PTPRD: variants seen among roughly 807,000 people sequenced by gnomAD.
The protein encoded by PTPRD is protein tyrosine phosphatase receptor type D, also known as receptor-type tyrosine-protein phosphatase delta.
Under a neutral mutation model 214.5 loss-of-function variants are expected in PTPRD, and 34 were observed. The observed-to-expected ratio is 0.16, with a 90% CI of 0.12 to 0.21. The LOEUF is 0.21. Among genes scored for constraint, PTPRD ranks in the 10% least tolerant of loss-of-function variants. The pLI is 1.00. For synonymous variants in PTPRD, 1,128 were observed against 845.7 expected (o/e 1.33, Z -5.79); for missense variants, 2,545 against 2,398.7 (o/e 1.06, Z -1.27).
intron 11 of PTPRD, among the ~76,000 whole-genome samples, chr9:8,836,904 C>T (rs2097437992): frequency 6.6e-6 from 1 of 151,998 alleles, no homozygotes; most frequent in Admixed American, 6.6e-5. Flanking sequence ...TTAGAACTAG[C>T]TCTCTTCTAA....
At chr9:8,648,038 C>A (rs1444277767) in intron 12 of PTPRD, among the ~76,000 whole-genome samples, 4 of 152,200 alleles carry the variant, frequency 2.6e-5, no homozygotes, top group African/African-American at 9.7e-5. Context: ...GAACAGCATG[C>A]AATCCCAGCT....
At chr9:8,980,732 A>G (rs2099308334) in intron 11 of PTPRD, among the ~76,000 whole-genome samples, 1 of 152,098 alleles carries the variant, frequency 6.6e-6, no homozygotes, top group Non-Finnish European at 1.5e-5. Flanking sequence ...CCAAATCCCT[A>G]CCTTGAATGA....
rs142423227 is a variant in PTPRD, at chr9:9,000,043, A to G, written c.-104+18654T>C. On this transcript the variant is annotated intron_variant, in intron 11 of 45. Transcript: ENST00000381196. ...GGTGGCAAATTTACACTCTGTCCAA[A>G]TGCTGCTTTTATGGGTAACTGGAGG... Among the ~76,000 whole-genome samples, 752 of 152,102 alleles carry G rather than the reference A, an allele frequency of 4.9e-3. 3 individuals are homozygous for G. The highest frequency in any genetic ancestry group is 0.017 in the African/African-American group (700 of 41,522).
chr9:10,457,298 T>C (rs1267018912), intron 2 of PTPRD, among the ~76,000 whole-genome samples: 1 of 151,968 alleles, frequency 6.6e-6, no homozygotes, highest in African/African-American at 2.4e-5. Flanking sequence ...AAGTTTCCTT[T>C]TGCCTCTTTT....
At chr9:10,435,191 C>T (rs556633366) in intron 2 of PTPRD, among the ~76,000 whole-genome samples, 27 of 152,008 alleles carry the variant, frequency 1.8e-4, no homozygotes, top group Admixed American at 1.1e-3. Flanking sequence ...TCTGTGGAAA[C>T]TGAACAAGAA....
intron 32 of PTPRD, among the ~76,000 whole-genome samples, chr9:8,462,570 T>C (rs1374866326): frequency 1.3e-5 from 2 of 151,980 alleles, no homozygotes; most frequent in Non-Finnish European, 2.9e-5. Context: ...TCCATCACAG[T>C]GGGCTTCTTG....
At chr9:8,612,068 T>G (rs888251908) in intron 14 of PTPRD, among the ~76,000 whole-genome samples, 2 of 151,868 alleles carry the variant, frequency 1.3e-5, no homozygotes, top group African/African-American at 2.4e-5. Context: ...CAATGTTAAC[T>G]ACTCCTTTTT....
intron 5 of PTPRD, among the ~76,000 whole-genome samples, chr9:9,807,105 C>G (rs1408127): frequency 6.6e-6 from 1 of 151,942 alleles, no homozygotes; most frequent in Non-Finnish European, 1.5e-5. Context: ...GCTCTAAAAT[C>G]TTTTAATAAA....
At chr9:8,761,974 A>C (rs1372162854) in intron 11 of PTPRD, among the ~76,000 whole-genome samples, 3 of 152,200 alleles carry the variant, frequency 2.0e-5, no homozygotes, top group African/African-American at 7.2e-5. Flanking sequence ...ACAGAGGGTC[A>C]AATAAACTCA....
intron 9 of PTPRD, among the ~76,000 whole-genome samples, chr9:9,224,175 T>A (rs1198442785): frequency 6.6e-6 from 1 of 151,912 alleles, no homozygotes. Context: ...AGTCAGTGAC[T>A]CCCTCAGATC....
At chr9:8,569,516 A>T (rs1028081289) in intron 14 of PTPRD, among the ~76,000 whole-genome samples, 1 of 152,134 alleles carries the variant, frequency 6.6e-6, no homozygotes, top group Non-Finnish European at 1.5e-5. Context: ...TGGGCCTTCC[A>T]ATTATCACAC....
At chr9:10,060,270 T>A (rs1258753828) in intron 3 of PTPRD, among the ~76,000 whole-genome samples, 3 of 151,998 alleles carry the variant, frequency 2.0e-5, no homozygotes, top group Non-Finnish European at 4.4e-5. Context: ...AAAGAATATT[T>A]TTAAAAAATA....
At chr9:9,582,707 C>T (rs1243772066) in intron 7 of PTPRD, among the ~76,000 whole-genome samples, 3 of 151,910 alleles carry the variant, frequency 2.0e-5, no homozygotes, top group Non-Finnish European at 2.9e-5. Flanking sequence ...AATTTAAATG[C>T]ATTTTATATT....
chr9:9,063,110 T>C (rs1454738562), intron 10 of PTPRD, among the ~76,000 whole-genome samples: 3 of 152,124 alleles, frequency 2.0e-5, no homozygotes, highest in African/African-American at 7.2e-5. Flanking sequence ...GAATGAACAT[T>C]GAGCTGGGAG....
chr9:9,928,450 G>T (rs749398484), intron 5 of PTPRD, among the ~76,000 whole-genome samples: 4 of 152,102 alleles, frequency 2.6e-5, no homozygotes, highest in Admixed American at 1.3e-4. Context: ...ATGCTGATTT[G>T]ATGGGCAGGC....
chr9:9,783,447 G>A (rs1279121125), intron 5 of PTPRD, among the ~76,000 whole-genome samples: 2 of 152,094 alleles, frequency 1.3e-5, no homozygotes, highest in Admixed American at 6.5e-5. Flanking sequence ...ATATGCTGGG[G>A]TACACTGTTC....
intron 9 of PTPRD, among the ~76,000 whole-genome samples, chr9:9,191,976 A>G (rs963919520): frequency 3.9e-5 from 6 of 152,078 alleles, no homozygotes; most frequent in Admixed American, 3.9e-4. Flanking sequence ...TGTTGCCCCA[A>G]TATAAACTGA....
chr9:9,141,082 G>A (rs367834962), intron 10 of PTPRD, among the ~76,000 whole-genome samples: 1 of 151,584 alleles, frequency 6.6e-6, no homozygotes, highest in East Asian at 1.9e-4. Context: ...CTCTGTCTCT[G>A]TCTCTCTGCT....
intron 2 of PTPRD, among the ~76,000 whole-genome samples, chr9:10,516,719 C>A (rs2050235471): frequency 6.6e-6 from 1 of 151,940 alleles, no homozygotes; most frequent in African/African-American, 2.4e-5. Flanking sequence ...TCATGTTCAA[C>A]CCTTTAATTC....
Sources: allele counts gnomAD v4.1 joint callset (sites outside exome capture counted in the v4.1 genomes callset), GRCh38; gene constraint gnomAD v4.1.1; transcripts MANE v1.5; gene names NCBI Gene and HGNC (gene_info 2026-07-23, HGNC 2026-07-21).